Variants in RBM26 observed in about 807,000 individuals in gnomAD.
RBM26 encodes the protein RNA binding motif protein 26, also known as RNA-binding protein 26.
A neutral mutation model predicts 123.6 loss-of-function variants in RBM26; 30 were observed. That is an observed-to-expected ratio of 0.24 (90% CI 0.18 to 0.33). The LOEUF (loss-of-function observed/expected upper bound fraction) is 0.33. Ranked by LOEUF, RBM26 falls within the 10% of genes least tolerant of loss-of-function variation. RBM26 has a pLI of 1.00. For missense variants in RBM26, 947 were observed against 1,203.6 expected (o/e 0.79, Z 3.15); for synonymous variants, 400 against 404.4 (o/e 0.99, Z 0.13).
intron 1 of RBM26, among the ~76,000 whole-genome samples, chr13:79,383,855 A>C (rs1243938311): frequency 2.0e-5 from 3 of 152,218 alleles, no homozygotes; most frequent in Admixed American, 1.3e-4. Flanking sequence ...TCATCAAGGA[A>C]GGACTCTGTT....
intron 1 of RBM26, among the ~76,000 whole-genome samples, chr13:79,405,276 C>T (rs952530588): frequency 6.6e-6 from 1 of 152,148 alleles, no homozygotes; most frequent in African/African-American, 2.4e-5. Context: ...CGTGGCCTTG[C>T]TTTCAGGAAT....
In RBM26 at chr13:79,405,838, C is replaced by A; in HGVS notation, c.-64G>T. 1 of 1,041,992 alleles carries A rather than the reference C, an allele frequency of 9.6e-7. No homozygotes were observed. Among genetic ancestry groups the A allele is most frequent in the Non-Finnish European group, 1.3e-6 (1 of 754,328 alleles). 64.5% of individuals were successfully genotyped at this position (1,041,992 alleles called of 1,614,324 possible). A position where few individuals can be genotyped will look rare whatever the true frequency, so the allele number is the denominator to read the frequency against. ...CCCAGGTCGCGGCCGCTACAGCCGCCGCTGCCCCCGCCCCCTCCTCCGCGC... is the reference window on the plus strand; with the variant it reads ...CCCAGGTCGCGGCCGCTACAGCCGCAGCTGCCCCCGCCCCCTCCTCCGCGC... On this transcript the variant is annotated 5_prime_UTR_variant, in exon 1 of 22. Transcript: ENST00000438737.
chr13:79,385,117 C>T (rs946677571), intron 1 of RBM26, among the ~76,000 whole-genome samples: 11 of 152,068 alleles, frequency 7.2e-5, no homozygotes, highest in Non-Finnish European at 1.6e-4. Flanking sequence ...ATTTTATATT[C>T]AGGAAAAATA....
At chr13:79,391,951 CAAGAATACAT>C (rs2078035040) in intron 1 of RBM26, among the ~76,000 whole-genome samples, 1 of 144,480 alleles carries the variant, frequency 6.9e-6, no homozygotes, top group Non-Finnish European at 1.5e-5. Context: ...ATATATTATA[CAAGAATACAT>C]AATTATTATA....
chr13:79,353,452 T>A (rs2139481034), intron 13 of RBM26, among the ~76,000 whole-genome samples: 1 of 152,126 alleles, frequency 6.6e-6, no homozygotes, highest in East Asian at 1.9e-4. Context: ...AACTAAGAGG[T>A]CTGAGCCACG....
At chr13:79,331,171 T>C (rs567240312) in intron 20 of RBM26, among the ~76,000 whole-genome samples, 49 of 152,112 alleles carry the variant, frequency 3.2e-4, no homozygotes, top group African/African-American at 1.2e-3. Context: ...CCACCACACC[T>C]GGCTGATTTT....
At chr13:79,379,771 C>T (rs2076933264) in intron 1 of RBM26, among the ~76,000 whole-genome samples, 1 of 149,840 alleles carries the variant, frequency 6.7e-6, no homozygotes, top group Admixed American at 6.6e-5. Flanking sequence ...CACAAAAAGG[C>T]TAATTCCCCT....
intron 12 of RBM26, 145 bp from the exon 13 acceptor site, chr13:79,354,715 A>C: frequency 1.7e-6 from 1 of 606,032 alleles, no homozygotes. Context: ...TTCTAATTTC[A>C]TCCACACATA....
chr13:79,392,220 T>G (rs1179461223), intron 1 of RBM26, among the ~76,000 whole-genome samples: 1 of 114,000 alleles, frequency 8.8e-6, no homozygotes, highest in African/African-American at 3.1e-5. Flanking sequence ...TAATACATAA[T>G]TATTATATAA....
At chr13:79,324,139 T>C (rs2068043298) in intron 20 of RBM26, among the ~76,000 whole-genome samples, 1 of 151,762 alleles carries the variant, frequency 6.6e-6, no homozygotes, top group Non-Finnish European at 1.5e-5. Context: ...TCCCTAGCCC[T>C]AAGAGATAAC....
chr13:79,379,661 C>G (rs1348254758), intron 1 of RBM26, among the ~76,000 whole-genome samples: 1 of 150,602 alleles, frequency 6.6e-6, no homozygotes, highest in Non-Finnish European at 1.5e-5. Flanking sequence ...GACACAAAAT[C>G]CATATTATCA....
At chr13:79,329,999 T>C (rs987631140) in intron 20 of RBM26, among the ~76,000 whole-genome samples, 4 of 152,198 alleles carry the variant, frequency 2.6e-5, no homozygotes, top group African/African-American at 9.6e-5. Context: ...TGACTGTGAA[T>C]AGCTCCAAAA....
At chr13:79,355,108 C>A in intron 12 of RBM26, 112 bp downstream of exon 12, 1 of 923,764 alleles carries the variant, frequency 1.1e-6, no homozygotes, top group Non-Finnish European at 1.7e-6. Context: ...AAGCTAAATG[C>A]AGAACCAGGG....
chr13:79,343,253 T>C (rs887091004), intron 16 of RBM26, among the ~76,000 whole-genome samples: 2 of 151,934 alleles, frequency 1.3e-5, no homozygotes, highest in Non-Finnish European at 2.9e-5. Flanking sequence ...AAAAGTTTTA[T>C]GGTTCCTTTC....
intron 20 of RBM26, among the ~76,000 whole-genome samples, chr13:79,330,269 G>T (rs2069091252): frequency 6.6e-6 from 1 of 152,028 alleles, no homozygotes; most frequent in South Asian, 2.1e-4. Flanking sequence ...ATACATAACA[G>T]AAAGCACAAA....
At chr13:79,400,421 G>A in intron 1 of RBM26, among the ~76,000 whole-genome samples, 1 of 151,278 alleles carries the variant, frequency 6.6e-6, no homozygotes, top group Admixed American at 6.6e-5. Flanking sequence ...GCAGAAGTCA[G>A]AGGGGCAGAG....
chr13:79,334,716 G>A (rs1177599529), intron 19 of RBM26, among the ~76,000 whole-genome samples: 1 of 152,068 alleles, frequency 6.6e-6, no homozygotes, highest in East Asian at 1.9e-4. Flanking sequence ...CAAAGCCTGA[G>A]CGTTCTTGCT....
In RBM26 at chr13:79,319,743, C is replaced by G. The variant is rs1033495308; in HGVS notation, c.*878G>C. ...TGAAAATTTATAGGATCAAACCAAA[C>G]TCAAGTGGTATAATTTTTAAACATT... On this transcript the variant is annotated 3_prime_UTR_variant, in exon 22 of 22. Transcript: ENST00000438737. 1 of 982,922 alleles carries G rather than the reference C, an allele frequency of 1.0e-6. No individual in the cohort carries two copies. The highest frequency in any genetic ancestry group is 1.2e-6 in the Non-Finnish European group (1 of 828,180). 60.9% of individuals were successfully genotyped at this position (982,922 alleles called of 1,614,324 possible). A position where few individuals can be genotyped will look rare whatever the true frequency, so the allele number is the denominator to read the frequency against.
intron 20 of RBM26, among the ~76,000 whole-genome samples, chr13:79,329,992 C>T (rs1410266573): frequency 2.0e-5 from 3 of 152,120 alleles, no homozygotes; most frequent in Admixed American, 2.0e-4. Context: ...GATACAGTGA[C>T]TGTGAATAGC....
Sources: allele counts gnomAD v4.1 joint callset (sites outside exome capture counted in the v4.1 genomes callset), GRCh38; gene constraint gnomAD v4.1.1; transcripts MANE v1.5; gene names NCBI Gene and HGNC (gene_info 2026-07-23, HGNC 2026-07-21).